THADA: variants seen among roughly 807,000 people sequenced by gnomAD.
THADA encodes the protein THADA armadillo repeat containing, also known as tRNA (32-2'-O)-methyltransferase regulator THADA.
In THADA, 213 loss-of-function variants were observed where a neutral mutation model predicts 219.8. The observed-to-expected ratio is 0.97, with a 90% CI of 0.87 to 1.09. THADA has a LOEUF of 1.09. THADA is among the 50% of genes least tolerant of loss of function. THADA has a pLI of 0.00. For synonymous variants in THADA, 1,018 were observed against 828.9 expected, an observed-to-expected ratio of 1.23 and a Z score of -3.92; for missense variants, 2,956 against 2,311.3, an observed-to-expected ratio of 1.28 and a Z score of -5.72.
At chr2:43,299,522 C>T (rs1333252784) in intron 31 of THADA, among the ~76,000 whole-genome samples, 2 of 151,350 alleles carry the variant, frequency 1.3e-5, no homozygotes, top group Non-Finnish European at 2.9e-5. Context: ...ATTAGCTGGG[C>T]GTGATGGTGG....
intron 9 of THADA, among the ~76,000 whole-genome samples, chr2:43,577,657 T>G (rs960409892): frequency 2.6e-5 from 4 of 152,086 alleles, no homozygotes; most frequent in African/African-American, 9.7e-5. Flanking sequence ...TAAAATAAGT[T>G]TCCATACAAT....
At chr2:43,369,233 T>C (rs1670521738) in intron 29 of THADA, among the ~76,000 whole-genome samples, 1 of 152,212 alleles carries the variant, frequency 6.6e-6, no homozygotes, top group Admixed American at 6.5e-5. Context: ...GCTAATACCA[T>C]GAGCTATTTC....
At chr2:43,231,560 A>T (rs972721652) in intron 37 of THADA, among the ~76,000 whole-genome samples, 14 of 152,110 alleles carry the variant, frequency 9.2e-5, no homozygotes, top group Admixed American at 4.6e-4. Flanking sequence ...CCAGAGAGGA[A>T]TTTTTTCCCC....
chr2:43,382,452 A>G (rs544963664), intron 29 of THADA, among the ~76,000 whole-genome samples: 3 of 152,336 alleles, frequency 2.0e-5, no homozygotes, highest in African/African-American at 7.2e-5. Context: ...AATCAGATAT[A>G]TGTTCTTTAT....
At chr2:43,400,926 C>A (rs979015603) in intron 28 of THADA, among the ~76,000 whole-genome samples, 1 of 151,986 alleles carries the variant, frequency 6.6e-6, no homozygotes, top group Non-Finnish European at 1.5e-5. Flanking sequence ...CAAAGAGGGT[C>A]TTTTTTTGGC....
intron 31 of THADA, among the ~76,000 whole-genome samples, chr2:43,299,723 T>A (rs1318011644): frequency 6.7e-6 from 1 of 149,776 alleles, no homozygotes; most frequent in Non-Finnish European, 1.5e-5. Flanking sequence ...CTAAAATTGT[T>A]ACTAATAAAA....
intron 36 of THADA, among the ~76,000 whole-genome samples, chr2:43,276,642 G>A (rs1672755030): frequency 1.3e-5 from 2 of 152,148 alleles, no homozygotes; most frequent in African/African-American, 4.8e-5. Flanking sequence ...GCTGCGTTCT[G>A]AGGAAGGCAG....
chr2:43,274,996 TTC>T lies in THADA; in HGVS notation c.5296+4767_5296+4768del, dbSNP rs1491551137. On this transcript the variant is annotated intron_variant, in intron 36 of 37. Coordinates refer to ENST00000405975, the MANE Select transcript of THADA (RefSeq NM_022065.5). ...CTGTTTTCCTTTCTTTTCTTTTCTT[TTC>T]TTTTTTTTTTTTTTTTGAGGGAGTC... 6.3e-4 allele frequency among the ~76,000 whole-genome samples: 71 copies of T among 113,416 alleles called. 2 individuals carry two copies. The highest frequency in any genetic ancestry group is 1.0e-3 in the East Asian group (5 of 4,824). The allele number at this position is 113,416 out of a possible 152,430, so 74.4% of individuals were successfully genotyped here. A position where few individuals can be genotyped will look rare whatever the true frequency, so the allele number is the denominator to read the frequency against.
At chr2:43,247,188 G>A (rs1401723792) in intron 36 of THADA, among the ~76,000 whole-genome samples, 1 of 152,128 alleles carries the variant, frequency 6.6e-6, no homozygotes, top group Non-Finnish European at 1.5e-5. Flanking sequence ...GAGGCAGGCT[G>A]TTTTCTACTT....
intron 20 of THADA, 121 bp downstream of exon 20, chr2:43,549,089 T>G: frequency 1.0e-6 from 1 of 964,712 alleles, no homozygotes; most frequent in Non-Finnish European, 1.4e-6. Context: ...TTAAAAAACT[T>G]TATTTTCTAG....
chr2:43,512,052 CA>C (rs1454678089), intron 22 of THADA, among the ~76,000 whole-genome samples: 5 of 152,280 alleles, frequency 3.3e-5, no homozygotes, highest in Admixed American at 3.3e-4. Flanking sequence ...TACTAAGAAC[CA>C]AATGCTCCTT....
intron 29 of THADA, among the ~76,000 whole-genome samples, chr2:43,365,590 C>A (rs1670047613): frequency 6.6e-6 from 1 of 151,800 alleles, no homozygotes; most frequent in Non-Finnish European, 1.5e-5. Context: ...CACACACACA[C>A]ACACACACGC....
chr2:43,311,039 G>T (rs979060251), intron 31 of THADA, among the ~76,000 whole-genome samples: 15 of 152,254 alleles, frequency 9.9e-5, no homozygotes, highest in African/African-American at 3.4e-4. Context: ...AGCCAGGTGT[G>T]GTGGCACATG....
chr2:43,294,436 C>A (rs1360463352), intron 31 of THADA, among the ~76,000 whole-genome samples: 3 of 152,106 alleles, frequency 2.0e-5, no homozygotes, highest in Non-Finnish European at 2.9e-5. Context: ...AAAGGCTCAA[C>A]AAAGGCATGA....
intron 2 of THADA, 105 bp from the exon 3 acceptor site, chr2:43,592,151 G>T: frequency 9.9e-7 from 1 of 1,010,524 alleles, no homozygotes; most frequent in Non-Finnish European, 1.4e-6. Flanking sequence ...CATAGCAATA[G>T]GTGGAACATA....
At chr2:43,574,239 G>A (rs756984774) in intron 11 of THADA, 97 bp downstream of exon 11, 14 of 828,942 alleles carry the variant, frequency 1.7e-5, no homozygotes, top group Non-Finnish European at 2.6e-5. Flanking sequence ...ATTTATAGAA[G>A]TGATATTTAA....
intron 36 of THADA, among the ~76,000 whole-genome samples, chr2:43,240,832 G>A (rs1668543643): frequency 6.6e-6 from 1 of 152,172 alleles, no homozygotes; most frequent in Non-Finnish European, 1.5e-5. Flanking sequence ...TCCTTTATCT[G>A]AAAATTTAAA....
intron 26 of THADA, among the ~76,000 whole-genome samples, chr2:43,480,271 G>C (rs1474090549): frequency 6.6e-6 from 1 of 152,196 alleles, no homozygotes; most frequent in Non-Finnish European, 1.5e-5. Context: ...CATGTATAAA[G>C]GGTCTGGCAT....
intron 26 of THADA, among the ~76,000 whole-genome samples, chr2:43,480,348 G>A (rs2094758014): frequency 6.6e-6 from 1 of 152,182 alleles, no homozygotes; most frequent in Admixed American, 6.5e-5. Context: ...CAACTGAACA[G>A]AGACTCCAGC....
Sources: gnomAD v4.1 joint callset for allele counts (sites outside exome capture counted in the v4.1 genomes callset) on GRCh38, gnomAD v4.1.1 for gene constraint, MANE v1.5 for transcripts, NCBI Gene and HGNC (gene_info 2026-07-23, HGNC 2026-07-21) for gene names.